NPDC1: variants seen among roughly 807,000 people sequenced by gnomAD.
The protein encoded by NPDC1 is neural proliferation, differentiation and control 1, also known as neural proliferation differentiation and control protein 1.
NPDC1 carries 18 observed loss-of-function variants against 32.5 expected under a neutral mutation model. The observed-to-expected ratio is 0.55, with a 90% confidence interval of 0.38 to 0.82. The LOEUF is 0.82. Ranked by LOEUF, NPDC1 falls within the 40% of genes least tolerant of loss-of-function variation. The pLI is 0.00. For missense variants in NPDC1, 468 were observed against 406.6 expected (o/e 1.15, Z -1.30); for synonymous variants, 210 against 184.7 (o/e 1.14, Z -1.11).
chr9:137,044,699 A>G (rs1445969762), intron 1 of NPDC1, among the ~76,000 whole-genome samples: 1 of 152,226 alleles, frequency 6.6e-6, no homozygotes, highest in Non-Finnish European at 1.5e-5. Context: ...TCTCCCGGTG[A>G]GGCAGACACG....
chr9:137,040,270 A>C, intron 7 of NPDC1, 87 bp downstream of exon 7: 3 of 958,310 alleles, frequency 3.1e-6, no homozygotes, highest in Non-Finnish European at 2.7e-6. Flanking sequence ...GCCTGGGGTA[A>C]AGTTGGCCAG....
At chr9:137,045,257 C>T (rs1832112717) in intron 1 of NPDC1, among the ~76,000 whole-genome samples, 1 of 152,266 alleles carries the variant, frequency 6.6e-6, no homozygotes, top group Non-Finnish European at 1.5e-5. Flanking sequence ...TGCCAGTGCC[C>T]TCGAGGGCAG....
chr9:137,041,270 C>G, intron 2 of NPDC1, 83 bp from the exon 3 acceptor site: 1 of 1,325,884 alleles, frequency 7.5e-7, no homozygotes, highest in Non-Finnish European at 9.7e-7. Flanking sequence ...CTGGCAGGTT[C>G]CTCCCAGGAG....
intron 3 of NPDC1, 36 bp from the exon 4 acceptor site, chr9:137,041,020 G>A: frequency 6.6e-7 from 1 of 1,524,998 alleles, no homozygotes; most frequent in Non-Finnish European, 8.8e-7. Flanking sequence ...AGAGCACTGG[G>A]CTAGGGACAG....
At chr9:137,040,279 A>T in intron 7 of NPDC1, 78 bp downstream of exon 7, 2 of 988,366 alleles carry the variant, frequency 2.0e-6, no homozygotes, top group Non-Finnish European at 1.3e-6. Flanking sequence ...AAAGTTGGCC[A>T]GGGGAGGTGG....
chr9:137,039,700 G>A lies in NPDC1; in HGVS notation c.*72C>T, dbSNP rs970461113. On this transcript the variant is annotated 3_prime_UTR_variant, in exon 9 of 9. Coordinates refer to ENST00000371601, the MANE Select transcript of NPDC1 (RefSeq NM_015392.4). ...CAGCATCAAAACATGTTTTTAGTGGGAAGCTCCAGGCCCTGCCCCTCCCCG... is the reference window on the plus strand; with the variant it reads ...CAGCATCAAAACATGTTTTTAGTGGAAAGCTCCAGGCCCTGCCCCTCCCCG... The A allele has an allele frequency of 4.6e-6, 3 of 658,696 alleles. No homozygotes were observed. Among genetic ancestry groups the A allele is most frequent in the South Asian group, 1.6e-5 (1 of 61,242 alleles). 40.8% of individuals were successfully genotyped at this position (658,696 alleles called of 1,614,324 possible).
At chr9:137,042,716 C>T (rs1453136942) in intron 2 of NPDC1, among the ~76,000 whole-genome samples, 1 of 152,128 alleles carries the variant, frequency 6.6e-6, no homozygotes, top group Non-Finnish European at 1.5e-5. Flanking sequence ...TGTGCCACCA[C>T]ACCCGGCTAC....
chr9:137,042,781 C>T, intron 2 of NPDC1, 146 bp downstream of exon 2: 1 of 968,376 alleles, frequency 1.0e-6, no homozygotes, highest in East Asian at 2.6e-5. Flanking sequence ...TGGTCTTGAA[C>T]TCCTGACCTC....
In NPDC1 at chr9:137,041,954, G is replaced by C. The variant is rs544980840; in HGVS notation, c.260-767C>G. Among the ~76,000 whole-genome samples the C allele has an allele frequency of 2.0e-5, 3 of 152,388 alleles. No homozygotes were observed. In the South Asian group the frequency reaches 6.2e-4, roughly 32 times the overall value. On this transcript the variant is annotated intron_variant, in intron 2 of 8. Coordinates refer to ENST00000371601, the MANE Select transcript of NPDC1 (RefSeq NM_015392.4). ...GGACAGGACAGTGAGTGGTGGAAAA[G>C]AGCAAGCTGCCTGGGGACGGGGAAG...
At position 137,040,638 on chromosome 9, in the gene NPDC1, C is replaced by A. The variant is rs369849423; in HGVS notation, c.623+33G>T. On this transcript the variant is annotated intron_variant, in intron 5 of 8. Transcript: ENST00000371601. ...GCCTGAGACCTCTGAGCGTGTGGCA[C>A]CCTCCCTGCCCTGCCCGCGGCCACT... is the stretch of plus-strand genomic sequence containing the variant. 5 of 1,561,884 alleles carry A rather than the reference C, an allele frequency of 3.2e-6. No individual in the cohort carries two copies. In the African/African-American group the frequency reaches 5.4e-5, roughly 17 times the overall value.
At chr9:137,043,282 G>GC in intron 1 of NPDC1, 1 of 723,770 alleles carries the variant, frequency 1.4e-6, no homozygotes, top group Non-Finnish European at 2.6e-6. Context: ...GAACTACCCT[G>GC]CCCCACCCCT....
intron 1 of NPDC1, 72 bp from the exon 2 acceptor site, chr9:137,043,145 C>T (rs531745229): frequency 1.8e-5 from 27 of 1,518,806 alleles, no homozygotes; most frequent in East Asian, 1.2e-4. Flanking sequence ...GGCAGCGCTG[C>T]CCCAGCCACC....
intron 1 of NPDC1, chr9:137,043,482 G>A: frequency 1.6e-6 from 1 of 615,538 alleles, no homozygotes; most frequent in Non-Finnish European, 3.0e-6. Flanking sequence ...GCCCAGGTCT[G>A]TCTCTGGGGA....
At chr9:137,043,869 T>A in intron 1 of NPDC1, 1 of 163,058 alleles carries the variant, frequency 6.1e-6, no homozygotes, top group Non-Finnish European at 1.3e-5. Flanking sequence ...TAATCAGTCT[T>A]ATCCTGGTGC....
intron 2 of NPDC1, among the ~76,000 whole-genome samples, chr9:137,041,471 T>C (rs917733525): frequency 6.6e-6 from 1 of 152,036 alleles, no homozygotes; most frequent in African/African-American, 2.4e-5. Flanking sequence ...CCCATGTCCA[T>C]AAAGGGCTGG....
At chr9:137,041,264 C>G (rs1027169891) in intron 2 of NPDC1, 77 bp from the exon 3 acceptor site, 1 of 1,330,726 alleles carries the variant, frequency 7.5e-7, no homozygotes, top group African/African-American at 1.5e-5. Flanking sequence ...CCGCTTCTGG[C>G]AGGTTCCTCC....
At chr9:137,041,521 T>C (rs1245853087) in intron 2 of NPDC1, among the ~76,000 whole-genome samples, 1 of 152,042 alleles carries the variant, frequency 6.6e-6, no homozygotes, top group Non-Finnish European at 1.5e-5. Flanking sequence ...CCAAGCACCT[T>C]CTCGGGTAGA....
chr9:137,045,591 T>C (rs938759521), intron 1 of NPDC1, among the ~76,000 whole-genome samples: 1 of 152,094 alleles, frequency 6.6e-6, no homozygotes, highest in Non-Finnish European at 1.5e-5. Flanking sequence ...CGCGGAGGCC[T>C]GAGCCAGACG....
At chr9:137,043,384 G>C (rs773744451) in intron 1 of NPDC1, 8 of 703,036 alleles carry the variant, frequency 1.1e-5, no homozygotes, top group Non-Finnish European at 5.3e-6. Context: ...GGGCAGGGCC[G>C]TGCAGCCCCA....
Sources: gnomAD v4.1 joint callset for allele counts (sites outside exome capture counted in the v4.1 genomes callset) on GRCh38, gnomAD v4.1.1 for gene constraint, MANE v1.5 for transcripts, NCBI Gene and HGNC (gene_info 2026-07-23, HGNC 2026-07-21) for gene names.